PIWIL3: variants seen among roughly 807,000 people sequenced by gnomAD.
PIWIL3 encodes piwi-like protein 3.
Under a neutral mutation model 109.7 loss-of-function variants are expected in PIWIL3, and 101 were observed. The observed-to-expected ratio is 0.92, with a 90% confidence interval of 0.78 to 1.09. PIWIL3 has a LOEUF of 1.09. PIWIL3 is among the 50% of genes least tolerant of loss of function. PIWIL3 has a pLI of 0.00. For missense variants in PIWIL3, 1,031 were observed against 1,072.6 expected (o/e 0.96, Z 0.54); for synonymous variants, 373 against 376.4 (o/e 0.99, Z 0.10).
intron 8 of PIWIL3, among the ~76,000 whole-genome samples, chr22:24,752,192 AG>A (rs1257236090): frequency 2.0e-5 from 3 of 152,188 alleles, no homozygotes; most frequent in African/African-American, 7.2e-5. Flanking sequence ...TTAATAAAAA[AG>A]CAGCCTCCAA....
intron 11 of PIWIL3, 67 bp downstream of exon 11, chr22:24,749,337 G>T: frequency 6.3e-7 from 1 of 1,580,752 alleles, no homozygotes. Flanking sequence ...CCAGGGCTGA[G>T]ATGCCATCAG....
At chr22:24,766,477 C>T (rs1925801562) in intron 1 of PIWIL3, among the ~76,000 whole-genome samples, 1 of 151,908 alleles carries the variant, frequency 6.6e-6, no homozygotes, top group Admixed American at 6.6e-5. Flanking sequence ...CGCCACCAGG[C>T]CTGGCTAATT....
Position 24,723,221 on chromosome 22 carries a change from T to C in PIWIL3, c.2266A>G (p.Ile756Val). The C allele has an allele frequency of 6.2e-7, 1 of 1,610,908 alleles. No individual in the cohort carries two copies. The highest frequency in any genetic ancestry group is 8.5e-7 in the Non-Finnish European group (1 of 1,177,520). Residue 756 changes from isoleucine to valine, a missense_variant, in exon 19 of 21, where the codon ATA (isoleucine) becomes GTA (valine). Ile to Val is a conservative substitution (Grantham distance 29). Coordinates refer to ENST00000616349, the MANE Select transcript of PIWIL3 (RefSeq NM_001255975.1). ...TGTTTAAGAAAAAATCTAGTGTTTATTCGTTTCTTCACCACAATGAAAGCT... is the reference window on the plus strand; with the variant it reads ...TGTTTAAGAAAAAATCTAGTGTTTACTCGTTTCTTCACCACAATGAAAGCT... ...TLAFIVVKKRINTRFFLKHGS... is the reference protein window; with the variant it reads ...TLAFIVVKKRVNTRFFLKHGS...
intron 1 of PIWIL3, among the ~76,000 whole-genome samples, chr22:24,770,789 C>T (rs1234189213): frequency 2.0e-5 from 3 of 151,202 alleles, no homozygotes; most frequent in Non-Finnish European, 2.9e-5. Context: ...GAGCCAAGAT[C>T]GCACCACTGC....
intron 1 of PIWIL3, among the ~76,000 whole-genome samples, chr22:24,763,152 T>C (rs1032031383): frequency 2.0e-5 from 3 of 151,156 alleles, no homozygotes; most frequent in Admixed American, 2.0e-4. Flanking sequence ...TTTTTTCTTT[T>C]TTTTTTTTTT....
intron 14 of PIWIL3, among the ~76,000 whole-genome samples, chr22:24,729,933 C>CTT (rs77524370): frequency 8.7e-4 from 109 of 125,918 alleles, no homozygotes; most frequent in African/African-American, 2.8e-3. Context: ...TCTACTTTTT[C>CTT]TTTTTTTTTT....
intron 4 of PIWIL3, 68 bp from the exon 5 acceptor site, chr22:24,756,773 C>G (rs2147708043): frequency 7.3e-7 from 1 of 1,370,730 alleles, no homozygotes; most frequent in East Asian, 2.4e-5. Context: ...AGTTTGGACA[C>G]TACAATATTA....
intron 4 of PIWIL3, 90 bp from the exon 5 acceptor site, chr22:24,756,795 T>C: frequency 8.5e-7 from 1 of 1,180,628 alleles, no homozygotes; most frequent in South Asian, 1.4e-5. Context: ...AAGCCAAAGT[T>C]AGGGCTGGGC....
intron 8 of PIWIL3, 72 bp from the exon 9 acceptor site, chr22:24,751,570 AT>A: frequency 6.4e-7 from 1 of 1,559,080 alleles, no homozygotes; most frequent in East Asian, 2.3e-5. Flanking sequence ...GAAAATAGAC[AT>A]TTTTAATCCT....
In PIWIL3 at chr22:24,719,524, G is replaced by T; in HGVS notation, c.2570C>A (p.Ser857Tyr). ...AHKLAYLVGQ[S>Y]IHQEPNRSLS... ...GGAACGATTCGGTTCCTGGTGAATG[G>T]ACTGCCCCACGAGGTAAGCCAGCTT... The change falls in exon 21 of 21, where the codon TCC (serine) becomes TAC (tyrosine). Residue 857 changes from serine (S) to tyrosine (Y), a missense_variant. Transcript: ENST00000616349. 6.2e-7 allele frequency: 1 copy of T among 1,608,064 alleles called. No individual in the cohort carries two copies. Among genetic ancestry groups the T allele is most frequent in the South Asian group, 1.1e-5 (1 of 89,694 alleles).
At chr22:24,745,185 T>A (rs1051616250) in intron 12 of PIWIL3, among the ~76,000 whole-genome samples, 3 of 152,102 alleles carry the variant, frequency 2.0e-5, no homozygotes, top group Non-Finnish European at 4.4e-5. Flanking sequence ...AATGAAACCA[T>A]GACATACCAA....
intron 6 of PIWIL3, among the ~76,000 whole-genome samples, chr22:24,755,068 G>T (rs1206113055): frequency 6.6e-6 from 1 of 152,162 alleles, no homozygotes; most frequent in East Asian, 1.9e-4. Flanking sequence ...ACATAATATT[G>T]TAGAAAGGTT....
chr22:24,751,360 T>C (rs552698962), intron 9 of PIWIL3, 27 bp downstream of exon 9: 7 of 1,562,408 alleles, frequency 4.5e-6, no homozygotes, highest in Non-Finnish European at 6.1e-6. Context: ...ACAATTTAAA[T>C]ATATTTAAAG....
intron 2 of PIWIL3, among the ~76,000 whole-genome samples, chr22:24,760,229 G>A (rs768294874): frequency 2.0e-5 from 3 of 152,206 alleles, no homozygotes; most frequent in Non-Finnish European, 2.9e-5. Context: ...AAGGTAGGGT[G>A]TGAAGGGGCA....
intron 1 of PIWIL3, among the ~76,000 whole-genome samples, chr22:24,766,724 ATAGT>A (rs1338503558): frequency 2.2e-4 from 33 of 152,206 alleles, no homozygotes; most frequent in South Asian, 6.2e-4. Flanking sequence ...TATGAGAGAA[ATAGT>A]TAGTTATCTG....
intron 14 of PIWIL3, among the ~76,000 whole-genome samples, chr22:24,733,092 C>T (rs1054986311): frequency 2.0e-5 from 3 of 152,158 alleles, no homozygotes; most frequent in Admixed American, 2.0e-4. Context: ...TTTCAGAATG[C>T]GTACGGCTCA....
At chr22:24,763,664 G>A (rs919320217) in intron 1 of PIWIL3, among the ~76,000 whole-genome samples, 4 of 152,060 alleles carry the variant, frequency 2.6e-5, no homozygotes, top group Non-Finnish European at 5.9e-5. Context: ...AAGACACTAG[G>A]GGTTACTACG....
chr22:24,731,740 T>C (rs1227901732), intron 14 of PIWIL3, among the ~76,000 whole-genome samples: 4 of 152,146 alleles, frequency 2.6e-5, no homozygotes, highest in Admixed American at 2.6e-4. Flanking sequence ...ATATAAGCTC[T>C]GAAAACTTTG....
At chr22:24,750,232 A>G (rs1280078717) in intron 9 of PIWIL3, among the ~76,000 whole-genome samples, 1 of 151,960 alleles carries the variant, frequency 6.6e-6, no homozygotes, top group Non-Finnish European at 1.5e-5. Context: ...ACAACTGAGG[A>G]ATCAGCAGGA....
Sources: gnomAD v4.1 joint callset for allele counts (sites outside exome capture counted in the v4.1 genomes callset) on GRCh38, gnomAD v4.1.1 for gene constraint, MANE v1.5 for transcripts, NCBI Gene and HGNC (gene_info 2026-07-23, HGNC 2026-07-21) for gene names.